The following ATF3 variants were observed in gnomAD, a reference collection of about 807,000 sequenced individuals.
ATF3 encodes the protein activating transcription factor 3, also known as cyclic AMP-dependent transcription factor ATF-3.
A neutral mutation model predicts 18.4 loss-of-function variants in ATF3; 10 were observed. The observed-to-expected ratio is 0.54, with a 90% CI of 0.34 to 0.92. The LOEUF (loss-of-function observed/expected upper bound fraction) is 0.92, where lower values mean the gene tolerates loss of function less well. Ranked by LOEUF, ATF3 falls within the 40% of genes least tolerant of loss-of-function variation. The pLI, the probability that ATF3 is intolerant of heterozygous loss-of-function variation, is 0.02. For missense variants in ATF3, 183 were observed against 222.3 expected (o/e 0.82, Z 1.12); for synonymous variants, 78 against 87.9 (o/e 0.89, Z 0.63).
intron 1 of ATF3, among the ~76,000 whole-genome samples, chr1:212,601,413 G>T (rs904366709): frequency 1.3e-5 from 2 of 152,176 alleles, no homozygotes; most frequent in Admixed American, 6.5e-5. Flanking sequence ...GGTAAAGCGA[G>T]GGTGCTCATT....
intron 1 of ATF3, among the ~76,000 whole-genome samples, chr1:212,569,171 C>A (rs116390004): frequency 2.3e-3 from 351 of 152,208 alleles, no homozygotes; most frequent in African/African-American, 8.2e-3. Context: ...TCTCTCCCTC[C>A]GTCTTTTTCC....
chr1:212,610,989 G>A (rs141271112), intron 1 of ATF3, among the ~76,000 whole-genome samples: 27 of 152,334 alleles, frequency 1.8e-4, no homozygotes, highest in African/African-American at 6.3e-4. Flanking sequence ...AATATTGAGA[G>A]GGTGTGATTT....
intron 1 of ATF3, among the ~76,000 whole-genome samples, chr1:212,583,649 C>T (rs1664725902): frequency 6.6e-6 from 1 of 152,184 alleles, no homozygotes; most frequent in South Asian, 2.1e-4. Flanking sequence ...CGACCACTGT[C>T]GGAACAAAAC....
At chr1:212,608,469 C>T (rs1300471179), upstream of ATF3, among the ~76,000 whole-genome samples, 1 of 152,158 alleles carries the variant, frequency 6.6e-6, no homozygotes, top group Non-Finnish European at 1.5e-5. Flanking sequence ...CGGGCGGCTC[C>T]GGTCCTGATA....
chr1:212,588,841 C>T (rs1235658581), intron 1 of ATF3, among the ~76,000 whole-genome samples: 2 of 152,186 alleles, frequency 1.3e-5, no homozygotes, highest in Non-Finnish European at 1.5e-5. Context: ...CTTTCTTCCT[C>T]CACCATCCAC....
chr1:212,606,310 G>A (rs1354004170), upstream of ATF3, among the ~76,000 whole-genome samples: 2 of 152,178 alleles, frequency 1.3e-5, no homozygotes, highest in Non-Finnish European at 2.9e-5. Flanking sequence ...ATCACTTTTC[G>A]GGTTTAGAAT....
chr1:212,604,223 C>G (rs1386901456), upstream of ATF3, among the ~76,000 whole-genome samples: 1 of 152,142 alleles, frequency 6.6e-6, no homozygotes, highest in Non-Finnish European at 1.5e-5. Context: ...GTGTTTATGA[C>G]TTGTATACTC....
At chr1:212,591,974 A>T (rs1664895515) in intron 1 of ATF3, among the ~76,000 whole-genome samples, 1 of 152,066 alleles carries the variant, frequency 6.6e-6, no homozygotes, top group Non-Finnish European at 1.5e-5. Flanking sequence ...ACAGATAAGG[A>T]CTTCTTTTAA....
intron 2 of ATF3, among the ~76,000 whole-genome samples, chr1:212,616,381 C>T (rs1204986701): frequency 6.6e-6 from 1 of 152,126 alleles, no homozygotes; most frequent in African/African-American, 2.4e-5. Context: ...ACTGCAACCT[C>T]TGCCTCCCAG....
chr1:212,573,100 T>C (rs1045050053), intron 1 of ATF3, among the ~76,000 whole-genome samples: 1 of 152,170 alleles, frequency 6.6e-6, no homozygotes, highest in Non-Finnish European at 1.5e-5. Flanking sequence ...CCAGTGTTTG[T>C]GCATCTTATT....
intron 1 of ATF3, among the ~76,000 whole-genome samples, chr1:212,597,310 C>A (rs1222872442): frequency 6.6e-6 from 1 of 152,100 alleles, no homozygotes; most frequent in African/African-American, 2.4e-5. Flanking sequence ...GTAGACACAG[C>A]GCTTATAATC....
rs1655229068 is a variant in ATF3, at chr1:212,618,469, C to T, written c.348+235C>T. On this transcript the variant is annotated intron_variant, in intron 3 of 3. Transcript: ENST00000341491. The surrounding 1 kb of genome is among the most constrained non-coding windows in gnomAD (Gnocchi z 4.4). The stretch of plus-strand genomic sequence containing the variant: ...GTGTGTGAATTCGTCTGATGCCTGA[C>T]TCCCAGCAGCCTCGGCCGGTTCATA... 1.8e-6 allele frequency: 1 copy of T among 547,486 alleles called. No individual in the cohort carries two copies. Among genetic ancestry groups the T allele is most frequent in the Non-Finnish European group, 3.3e-6 (1 of 302,906 alleles). The allele number at this position is 547,486 out of a possible 1,614,324, so 33.9% of individuals were successfully genotyped here. A position where few individuals can be genotyped will look rare whatever the true frequency, so the allele number is the denominator to read the frequency against.
intron 1 of ATF3, among the ~76,000 whole-genome samples, chr1:212,602,623 C>G (rs1163237746): frequency 6.6e-6 from 1 of 152,078 alleles, no homozygotes; most frequent in East Asian, 1.9e-4. Flanking sequence ...AGTTATTTAC[C>G]CTGTCTGTGC....
upstream of ATF3, among the ~76,000 whole-genome samples, chr1:212,606,877 G>A (rs1478712652): frequency 6.6e-6 from 1 of 152,184 alleles, no homozygotes; most frequent in African/African-American, 2.4e-5. Context: ...GCGGGAGGGC[G>A]GGTTGTGGAG....
chr1:212,571,423 T>C (rs1043402360), intron 1 of ATF3, among the ~76,000 whole-genome samples: 1 of 152,192 alleles, frequency 6.6e-6, no homozygotes, highest in African/African-American at 2.4e-5. Flanking sequence ...TTATTATTTT[T>C]TGAGATGGGA....
In ATF3 at chr1:212,611,181, C is replaced by T. The variant is rs1654879652; in HGVS notation, c.-5+2251C>T. ...TTGGTTCTCTTTCAAATATGTAATGCAGAAATGCTGGCATCAGCAAATAGT... is the reference window on the plus strand; with the variant it reads ...TTGGTTCTCTTTCAAATATGTAATGTAGAAATGCTGGCATCAGCAAATAGT... On this transcript the variant is annotated intron_variant, in intron 1 of 3. Coordinates refer to ENST00000341491, the MANE Select transcript of ATF3 (RefSeq NM_001674.4). Among the ~76,000 whole-genome samples the T allele has an allele frequency of 2.0e-5, 3 of 152,298 alleles. No homozygotes were observed. The South Asian group carries it at 6.2e-4, about 32-fold the overall frequency.
chr1:212,613,063 A>G (rs939605133), intron 1 of ATF3, among the ~76,000 whole-genome samples: 5 of 152,238 alleles, frequency 3.3e-5, no homozygotes, highest in Non-Finnish European at 7.3e-5. Context: ...ATGATAACAC[A>G]TAATGGAGTA....
At chr1:212,595,332 C>A (rs116525761) in intron 1 of ATF3, among the ~76,000 whole-genome samples, 6,309 of 152,282 alleles carry the variant, frequency 0.041, 460 homozygotes, top group African/African-American at 0.14. Context: ...AGCCTCTTGG[C>A]TCTAACCTTT....
intron 1 of ATF3, among the ~76,000 whole-genome samples, chr1:212,612,432 C>T (rs1558238812): frequency 6.6e-6 from 1 of 152,170 alleles, no homozygotes; most frequent in Non-Finnish European, 1.5e-5. Flanking sequence ...ATCCAGGCCT[C>T]CAAACAAAGA....
Sources: allele counts gnomAD v4.1 joint callset (sites outside exome capture counted in the v4.1 genomes callset), GRCh38; gene constraint gnomAD v4.1.1; non-coding constraint Gnocchi (gnomAD v3.1); transcripts MANE v1.5; gene names NCBI Gene and HGNC (gene_info 2026-07-23, HGNC 2026-07-21).